The following EFR3B variants were observed in gnomAD, a reference collection of about 807,000 sequenced individuals.
The protein encoded by EFR3B is protein EFR3 homolog B.
Under a neutral mutation model 104.7 loss-of-function variants are expected in EFR3B, and 64 were observed. The observed-to-expected ratio is 0.61, with a 90% CI of 0.50 to 0.75. The LOEUF is 0.75. Among genes scored for constraint, EFR3B ranks in the 30% least tolerant of loss-of-function variants. The pLI is 0.00. For synonymous variants in EFR3B, 385 were observed against 417.9 expected (o/e 0.92, Z 0.96); for missense variants, 750 against 1,078.5 (o/e 0.70, Z 4.27).
At chr2:25,080,077 A>T (rs1224686521) in intron 1 of EFR3B, 1 of 898,178 alleles carries the variant, frequency 1.1e-6, no homozygotes, top group Non-Finnish European at 1.9e-6. Context: ...TGTAACCCCC[A>T]CAACAGGTAT....
chr2:25,131,727 G>A lies in EFR3B; in HGVS notation c.986-23G>A, dbSNP rs749354626. 2.5e-5 allele frequency: 37 copies of A among 1,488,556 alleles called. No individual in the cohort carries two copies. Among genetic ancestry groups the A allele is most frequent in the Non-Finnish European group, 3.3e-5 (37 of 1,113,380 alleles). 92.2% of individuals were successfully genotyped at this position (1,488,556 alleles called of 1,614,324 possible). On this transcript the variant is annotated intron_variant, in intron 9 of 22. Transcript: ENST00000403714. This position sits in a 1 kb window ranked among gnomAD's most constrained non-coding sequence, Gnocchi z 7.6. ...GGAGGGTGCCAGCCTTGGATCTCGG[G>A]TGTCCCGCCCCACCGCTCTCAGGGC... is the stretch of plus-strand genomic sequence containing the variant.
At chr2:25,080,671 C>T in intron 1 of EFR3B, 1 of 685,238 alleles carries the variant, frequency 1.5e-6, no homozygotes, top group Non-Finnish European at 2.5e-6. Flanking sequence ...TCCTTTCAGG[C>T]CAATGTAGTT....
chr2:25,103,535 A>T (rs960131232), intron 3 of EFR3B, 102 bp from the exon 4 acceptor site: 12 of 1,438,800 alleles, frequency 8.3e-6, no homozygotes, highest in Non-Finnish European at 1.1e-5. Flanking sequence ...CATTACCCGG[A>T]TGCTGCATTG....
chr2:25,142,311 C>T (rs1026225961), intron 17 of EFR3B, among the ~76,000 whole-genome samples: 2 of 151,674 alleles, frequency 1.3e-5, no homozygotes, highest in East Asian at 1.9e-4. Flanking sequence ...GGTATGGTGG[C>T]GCACACCTGT....
rs953213790 is a variant in EFR3B at position 25,145,239 on chromosome 2, G to A, written c.2142+188G>A. On this transcript the variant is annotated intron_variant, in intron 19 of 22. Coordinates refer to ENST00000403714, the MANE Select transcript of EFR3B (RefSeq NM_014971.2). ...TACTTCCCTTCGGAAAAATTGTTAG[G>A]GTCCTCCCTGCTCCCATGAGGATAT... is the stretch of plus-strand genomic sequence containing the variant. 5 of 612,452 alleles carry A rather than the reference G, an allele frequency of 8.2e-6. No homozygotes were observed. In the African/African-American group the frequency reaches 9.2e-5, roughly 11 times the overall value. The allele number at this position is 612,452 out of a possible 1,614,324, so 37.9% of individuals were successfully genotyped here.
intron 18 of EFR3B, among the ~76,000 whole-genome samples, chr2:25,144,119 A>G (rs1280092037): frequency 1.3e-5 from 2 of 152,168 alleles, no homozygotes; most frequent in Admixed American, 1.3e-4. Flanking sequence ...ATTGTGCTGG[A>G]AAGAGCATAT....
intron 1 of EFR3B, among the ~76,000 whole-genome samples, chr2:25,043,523 G>A (rs995487518): frequency 2.6e-5 from 4 of 152,082 alleles, no homozygotes; most frequent in Non-Finnish European, 5.9e-5. Context: ...CTTTTTCATC[G>A]GTCTCCTTCC....
chr2:25,052,766 G>A (rs1667913296), intron 1 of EFR3B, among the ~76,000 whole-genome samples: 1 of 151,848 alleles, frequency 6.6e-6, no homozygotes, highest in Non-Finnish European at 1.5e-5. Context: ...GCCTCCCAAA[G>A]TGCTGGGATT....
At chr2:25,148,793 G>A (rs1317847562) in intron 19 of EFR3B, among the ~76,000 whole-genome samples, 2 of 150,750 alleles carry the variant, frequency 1.3e-5, no homozygotes, top group East Asian at 4.0e-4. Context: ...GTAGTGGTGG[G>A]CGCCTGTAGT....
chr2:25,092,348 G>A (rs368290873), intron 2 of EFR3B, among the ~76,000 whole-genome samples: 6 of 151,276 alleles, frequency 4.0e-5, no homozygotes, highest in Middle Eastern at 3.5e-3. Flanking sequence ...GATTACAGGC[G>A]TGAGCCACCA....
rs368677634 is a variant in EFR3B, at chr2:25,086,840, G to A, written c.8-4485G>A. Reference sequence around the variant, plus strand: ...ACTCCTGACCTCAAGTGATCTGCCCGCCTCAGCCTCCCAAAGTGCTGAGAT... The same window carrying A: ...ACTCCTGACCTCAAGTGATCTGCCCACCTCAGCCTCCCAAAGTGCTGAGAT... On this transcript the variant is annotated intron_variant, in intron 1 of 22. Transcript: ENST00000403714. Among the ~76,000 whole-genome samples, 49 of 152,194 alleles carry A rather than the reference G, an allele frequency of 3.2e-4. 2 individuals carry two copies. In the South Asian group the frequency reaches 4.4e-3, roughly 14 times the overall value.
chr2:25,108,632 A>G (rs965758908), intron 4 of EFR3B, among the ~76,000 whole-genome samples: 4 of 152,210 alleles, frequency 2.6e-5, no homozygotes, highest in Non-Finnish European at 4.4e-5. Context: ...GGACTTGGCA[A>G]TGGATTCTTA....
intron 1 of EFR3B, chr2:25,079,956 G>C: frequency 8.3e-7 from 1 of 1,209,766 alleles, no homozygotes; most frequent in Non-Finnish European, 1.2e-6. Flanking sequence ...TAAGTCCGCT[G>C]TTTCAGAGAG....
chr2:25,055,710 C>G (rs1436567013), intron 1 of EFR3B, among the ~76,000 whole-genome samples: 3 of 152,186 alleles, frequency 2.0e-5, no homozygotes, highest in Non-Finnish European at 4.4e-5. Flanking sequence ...GCCTGAAGAT[C>G]TTGTAGAAAG....
Position 25,128,180 on chromosome 2 carries a change from C to T in EFR3B, c.486-3C>T. ...GAGTCCCACTTCACCCTTTTCCTTA[C>T]AGAATTCGAATGTCAGGCATCAAAG... On this transcript the variant is annotated splice_polypyrimidine_tract_variant and splice_region_variant and intron_variant, in intron 5 of 22. Coordinates refer to ENST00000403714, the MANE Select transcript of EFR3B (RefSeq NM_014971.2). The T allele has an allele frequency of 6.4e-7, 1 of 1,551,694 alleles. No homozygotes were observed. The highest frequency in any genetic ancestry group is 8.7e-7 in the Non-Finnish European group (1 of 1,146,986).
intron 1 of EFR3B, among the ~76,000 whole-genome samples, chr2:25,066,971 C>T (rs956344408): frequency 2.0e-5 from 3 of 152,072 alleles, no homozygotes; most frequent in Non-Finnish European, 4.4e-5. Flanking sequence ...GAGTTTTATC[C>T]TGAAGAGAAA....
At chr2:25,067,433 T>TG (rs1015783045) in intron 1 of EFR3B, among the ~76,000 whole-genome samples, 2 of 151,538 alleles carry the variant, frequency 1.3e-5, no homozygotes, top group African/African-American at 4.9e-5. Context: ...TTTGTTTTTT[T>TG]TTTTTTGTTT....
chr2:25,110,356 T>C (rs1184225748), intron 4 of EFR3B, among the ~76,000 whole-genome samples: 1 of 152,150 alleles, frequency 6.6e-6, no homozygotes. Context: ...TTACCTGGGC[T>C]TTCAGGCAGC....
At chr2:25,113,090 T>C (rs781339693) in intron 4 of EFR3B, among the ~76,000 whole-genome samples, 2 of 152,104 alleles carry the variant, frequency 1.3e-5, no homozygotes, top group African/African-American at 2.4e-5. Context: ...TTGGTGCCCT[T>C]TGTTGTATAT....
Sources: gnomAD v4.1 joint callset for allele counts (sites outside exome capture counted in the v4.1 genomes callset) on GRCh38, gnomAD v4.1.1 for gene constraint, Gnocchi (gnomAD v3.1) non-coding constraint, MANE v1.5 for transcripts, NCBI Gene and HGNC (gene_info 2026-07-23, HGNC 2026-07-21) for gene names.